ABCC8: variants seen among roughly 807,000 people sequenced by gnomAD.
ABCC8 encodes ATP-binding cassette sub-family C member 8.
ABCC8 carries 137 observed loss-of-function variants against 188.0 expected under a neutral mutation model. That is an observed-to-expected ratio of 0.73 (90% CI 0.63 to 0.84). The LOEUF (loss-of-function observed/expected upper bound fraction) is 0.84, where lower values mean the gene tolerates loss of function less well. ABCC8 is among the 40% of genes least tolerant of loss of function. ABCC8 has a pLI of 0.00. For missense variants in ABCC8, 1,750 were observed against 2,072.7 expected, an observed-to-expected ratio of 0.84 and a Z score of 3.02; for synonymous variants, 797 against 846.5, an observed-to-expected ratio of 0.94 and a Z score of 1.01.
chr11:17,476,701 A>T lies in ABCC8; in HGVS notation c.76T>A (p.Cys26Ser), dbSNP rs1462559571. Residue 26 changes from cysteine (C) to serine (S), a missense_variant, in exon 1 of 39, where the codon TGC (cysteine) becomes AGC (serine). By Grantham distance (112) the Cys-to-Ser change is moderately radical. Coordinates refer to ENST00000389817, the MANE Select transcript of ABCC8 (RefSeq NM_000352.6). ...RVDQGVLNNG[C>S]FVDALNVVPH... ...ACCACGTTGAGCGCGTCCACAAAGC[A>T]GCCGTTGTTGAGGACCCCCTGGTCC... 2 of 1,611,652 alleles carry T rather than the reference A, an allele frequency of 1.2e-6. No homozygotes were observed. The highest frequency in any genetic ancestry group is 1.7e-6 in the Non-Finnish European group (2 of 1,179,136).
chr11:17,476,810 C>G lies in ABCC8; in HGVS notation c.-34G>C, dbSNP rs772121780. The G allele has an allele frequency of 9.5e-6, 14 of 1,467,684 alleles. No individual in the cohort carries two copies. In the African/African-American group the frequency reaches 1.9e-4, roughly 20 times the overall value. 90.9% of individuals were successfully genotyped at this position (1,467,684 alleles called of 1,614,324 possible). ...GGGCGCGGGCTGGGCTCGGGCTCAG[C>G]TGGCTCCGCTGGCTCCGCGCGCCTG... On this transcript the variant is annotated 5_prime_UTR_variant, in exon 1 of 39. Coordinates refer to ENST00000389817, the MANE Select transcript of ABCC8 (RefSeq NM_000352.6).
rs143751658 is a variant in ABCC8, at chr11:17,396,074, A to T, written c.4120-144T>A. On this transcript the variant is annotated intron_variant, in intron 33 of 38. Coordinates refer to ENST00000389817, the MANE Select transcript of ABCC8 (RefSeq NM_000352.6). Reference sequence around the variant, plus strand: ...TTTTCTGACTAGTTTCTCTTTGGACACCACAGGTTTGGGCTTGTTTCCTGC... The same window carrying T: ...TTTTCTGACTAGTTTCTCTTTGGACTCCACAGGTTTGGGCTTGTTTCCTGC... 4.2e-3 allele frequency: 6,287 copies of T among 1,501,228 alleles called. 18 individuals are homozygous for T. The highest frequency in any genetic ancestry group is 5.0e-3 in the Middle Eastern group (22 of 4,402). 93.0% of individuals were successfully genotyped at this position (1,501,228 alleles called of 1,614,324 possible).
At chr11:17,467,406 C>T (rs955267646) in intron 3 of ABCC8, among the ~76,000 whole-genome samples, 1 of 152,154 alleles carries the variant, frequency 6.6e-6, no homozygotes, top group African/African-American at 2.4e-5. Context: ...CACAAGCAAA[C>T]AAAACCCAAA....
intron 10 of ABCC8, 148 bp from the exon 11 acceptor site, chr11:17,432,392 G>T (rs1955888210): frequency 2.7e-6 from 4 of 1,477,416 alleles, no homozygotes; most frequent in Non-Finnish European, 3.6e-6. Flanking sequence ...CTCTAGCCCT[G>T]TGGCACTTCC....
At position 17,476,654 on chromosome 11, in the gene ABCC8, G is replaced by A. The variant is rs778891891; in HGVS notation, c.123C>T (p.Phe41=). 5.0e-6 allele frequency: 8 copies of A among 1,612,174 alleles called. No individual in the cohort carries two copies. The African/African-American group carries it at 9.4e-5, about 19-fold the overall frequency. ...CAATGAAGAGGATGGGGAAGGTGAT[G>A]AAGAGTAGGAAGACGTGCGGCACCA... The part of the protein sequence containing the change: ...LNVVPHVFLL[F]ITFPILFIGW... The change falls in exon 1 of 39, where the codon TTC becomes TTT. Residue 41 remains phenylalanine (F), a synonymous_variant. Coordinates refer to ENST00000389817, the MANE Select transcript of ABCC8 (RefSeq NM_000352.6).
chr11:17,407,126 T>C lies in ABCC8; in HGVS notation c.2924A>G (p.Glu975Gly). ...LLQDEEEEEE[E>G]AAESEEDDNL... ...GTCATCCTCCTCGCTCTCAGCTGCC[T>C]CCTCTGCAGGCCGCAAGAACCCACT... The change falls in exon 25 of 39, where the codon GAG (glutamate) becomes GGG (glycine). Residue 975 changes from glutamate to glycine, a missense_variant. Transcript: ENST00000389817. The C allele has an allele frequency of 6.2e-7, 1 of 1,611,464 alleles. No homozygotes were observed. The highest frequency in any genetic ancestry group is 8.5e-7 in the Non-Finnish European group (1 of 1,179,526).
At chr11:17,450,040 C>T (rs1348926569) in intron 7 of ABCC8, among the ~76,000 whole-genome samples, 2 of 152,142 alleles carry the variant, frequency 1.3e-5, no homozygotes, top group African/African-American at 2.4e-5. Flanking sequence ...TAAGTGAAGA[C>T]CAGCATACAC....
chr11:17,452,636 C>T (rs966889759), intron 7 of ABCC8, among the ~76,000 whole-genome samples: 4 of 152,200 alleles, frequency 2.6e-5, no homozygotes, highest in African/African-American at 9.7e-5. Flanking sequence ...GGCTCAGTTC[C>T]TAACAGGCCA....
rs1564959651 is a variant in ABCC8, at chr11:17,450,340, CCTT to C, written c.1177-1672_1177-1670del. The stretch of plus-strand genomic sequence containing the variant: ...TTTCTTTCTTTCTCTCTCTCTCTTT[CCTT>C]TCTTTCTTTCTTTCCTTCCTTTCCT... On this transcript the variant is annotated intron_variant, in intron 7 of 38. Transcript: ENST00000389817. 2.1e-4 allele frequency among the ~76,000 whole-genome samples: 24 copies of C among 115,724 alleles called. 1 individual carries two copies. In the East Asian group the frequency reaches 2.4e-3, roughly 12 times the overall value. The allele number at this position is 115,724 out of a possible 152,430, so 75.9% of individuals were successfully genotyped here.
At chr11:17,461,966 C>A in intron 4 of ABCC8, 141 bp from the exon 5 acceptor site, 1 of 1,422,758 alleles carries the variant, frequency 7.0e-7, no homozygotes, top group East Asian at 2.5e-5. Flanking sequence ...TAATTATTAC[C>A]AGGAAAAGGA....
chr11:17,430,371 G>A lies in ABCC8; in HGVS notation c.1817+443C>T, dbSNP rs900586383. 16 of 316,124 alleles carry A rather than the reference G, an allele frequency of 5.1e-5. No homozygotes were observed. The Admixed American group carries it at 5.3e-4, about 10-fold the overall frequency. The allele number at this position is 316,124 out of a possible 1,614,324, so 19.6% of individuals were successfully genotyped here. A position where few individuals can be genotyped will look rare whatever the true frequency, so the allele number is the denominator to read the frequency against. ...CTGGCTGAGGCTGTGAGGGCTCAGG[G>A]GCTGTGGAAAGGGTAGGGGATACTT... On this transcript the variant is annotated intron_variant, in intron 12 of 38. Coordinates refer to ENST00000389817, the MANE Select transcript of ABCC8 (RefSeq NM_000352.6).
chr11:17,470,650 T>A (rs1284370443), intron 2 of ABCC8, among the ~76,000 whole-genome samples: 9 of 152,252 alleles, frequency 5.9e-5, no homozygotes, highest in Non-Finnish European at 1.2e-4. Flanking sequence ...ATGCGATATA[T>A]GTTAACCCAT....
intron 3 of ABCC8, 100 bp from the exon 4 acceptor site, chr11:17,463,704 G>A: frequency 6.8e-7 from 1 of 1,474,284 alleles, no homozygotes. Context: ...GACAGAATAA[G>A]CGTGCCTGGG....
intron 8 of ABCC8, among the ~76,000 whole-genome samples, chr11:17,446,444 C>T (rs1204780260): frequency 6.7e-6 from 1 of 149,822 alleles, no homozygotes; most frequent in East Asian, 2.0e-4. Context: ...TTTCATGTTT[C>T]AAAAAAAAAA....
chr11:17,400,929 C>G (rs1024360682), intron 29 of ABCC8, among the ~76,000 whole-genome samples: 13 of 152,208 alleles, frequency 8.5e-5, no homozygotes, highest in Non-Finnish European at 1.8e-4. Context: ...TGGATTAAAG[C>G]CAATGCATTA....
At position 17,394,335 on chromosome 11, in the gene ABCC8, G is replaced by A. The variant is rs776110275; in HGVS notation, c.4476C>T (p.Ala1492=). ...TGCTGGTCTTCCTCACGAAGGCCCG[G>A]GCCAGGCAGAACAGCTGCCTCTGTC... is the stretch of plus-strand genomic sequence containing the variant. ...SQGQRQLFCL[A]RAFVRKTSIF... Residue 1492 remains alanine (A), a synonymous_variant, in exon 37 of 39, where the codon GCC becomes GCT. Transcript: ENST00000389817. The A allele has an allele frequency of 3.7e-6, 6 of 1,614,084 alleles. No individual in the cohort carries two copies. The Admixed American group carries it at 1.0e-4, about 27-fold the overall frequency.
At chr11:17,393,622 G>A (rs2133392551) in intron 38 of ABCC8, 75 bp downstream of exon 38, 3 of 1,600,710 alleles carry the variant, frequency 1.9e-6, no homozygotes, top group Non-Finnish European at 2.6e-6. Flanking sequence ...CCCAGGGGCT[G>A]TGCACTGATG....
chr11:17,471,191 C>T (rs890846824), intron 2 of ABCC8, among the ~76,000 whole-genome samples: 25 of 152,214 alleles, frequency 1.6e-4, no homozygotes, highest in African/African-American at 6.0e-4. Flanking sequence ...CCTTGAGAAG[C>T]TGATGGTATG....
chr11:17,415,710 G>A (rs1489175620), intron 17 of ABCC8, among the ~76,000 whole-genome samples: 1 of 152,244 alleles, frequency 6.6e-6, no homozygotes. Context: ...GCTGAGGTCT[G>A]AGGCTGATAC....
Sources: allele counts gnomAD v4.1 joint callset (sites outside exome capture counted in the v4.1 genomes callset), GRCh38; gene constraint gnomAD v4.1.1; transcripts MANE v1.5; gene names NCBI Gene and HGNC (gene_info 2026-07-23, HGNC 2026-07-21).